SLC35F1: variants seen among roughly 807,000 people sequenced by gnomAD.
SLC35F1 encodes the protein chromosome 6 open reading frame 169.
SLC35F1 carries 14 observed loss-of-function variants against 48.7 expected under a neutral mutation model. The ratio of observed to expected loss-of-function variants is 0.29; its 90% CI spans 0.19 to 0.45. The LOEUF is 0.45. Ranked by LOEUF, SLC35F1 falls within the 20% of genes least tolerant of loss-of-function variation. SLC35F1 has a pLI of 1.00. For synonymous variants in SLC35F1, 190 were observed against 202.2 expected (o/e 0.94, Z 0.51); for missense variants, 404 against 500.0 (o/e 0.81, Z 1.83).
chr6:118,007,476 C>T (rs1777188362), intron 1 of SLC35F1, among the ~76,000 whole-genome samples: 1 of 152,132 alleles, frequency 6.6e-6, no homozygotes, highest in South Asian at 2.1e-4. Context: ...GTAGTGACTT[C>T]AGGGGTGCAC....
chr6:118,011,785 A>G (rs1398833701), intron 1 of SLC35F1, among the ~76,000 whole-genome samples: 1 of 152,206 alleles, frequency 6.6e-6, no homozygotes, highest in African/African-American at 2.4e-5. Flanking sequence ...GGAGCCCTAC[A>G]GTAGTACACA....
chr6:117,929,415 T>C (rs1195064219), intron 1 of SLC35F1, among the ~76,000 whole-genome samples: 1 of 151,816 alleles, frequency 6.6e-6, no homozygotes, highest in African/African-American at 2.4e-5. Context: ...TATATGTAAG[T>C]ATAATATATT....
chr6:118,059,059 C>G (rs1255213950), intron 1 of SLC35F1, among the ~76,000 whole-genome samples: 3 of 152,002 alleles, frequency 2.0e-5, no homozygotes, highest in Non-Finnish European at 2.9e-5. Flanking sequence ...AGACATATAC[C>G]ACGGTATTTA....
chr6:117,961,355 A>G lies in SLC35F1; in HGVS notation c.173+53456A>G, dbSNP rs191164460. Among the ~76,000 whole-genome samples the G allele has an allele frequency of 3.2e-4, 49 of 152,358 alleles. 1 individual carries two copies. Among genetic ancestry groups the G allele is most frequent in the Admixed American group, 3.1e-3 (48 of 15,300 alleles). On this transcript the variant is annotated intron_variant, in intron 1 of 7. Transcript: ENST00000360388. ...AGGCAGGACACCAAGACCCCTGGTC[A>G]TCTCTACAGGATGGGAACATTTAGT...
Position 118,285,414 on chromosome 6 carries a change from G to A in SLC35F1, c.1002+76G>A. ...TGAACATGGGTAGGAATGCCTGGAT[G>A]TGAAATGCCCTGATTTTGTGTAGGG... is the stretch of plus-strand genomic sequence containing the variant. On this transcript the variant is annotated intron_variant, in intron 7 of 7. Coordinates refer to ENST00000360388, the MANE Select transcript of SLC35F1 (RefSeq NM_001029858.4). 2.0e-6 allele frequency: 3 copies of A among 1,536,534 alleles called. No homozygotes were observed. In the South Asian group the frequency reaches 3.4e-5, roughly 18 times the overall value.
chr6:117,974,692 A>G (rs1382972532), intron 1 of SLC35F1, among the ~76,000 whole-genome samples: 1 of 152,238 alleles, frequency 6.6e-6, no homozygotes, highest in Non-Finnish European at 1.5e-5. Context: ...TATATTCATT[A>G]CATTATAAAT....
intron 1 of SLC35F1, among the ~76,000 whole-genome samples, chr6:118,115,426 T>C (rs1773464347): frequency 6.6e-6 from 1 of 152,218 alleles, no homozygotes; most frequent in Non-Finnish European, 1.5e-5. Context: ...GTTTTAATGA[T>C]AACACTTTAT....
At chr6:118,300,493 C>T (rs1384936919) in intron 7 of SLC35F1, among the ~76,000 whole-genome samples, 1 of 152,092 alleles carries the variant, frequency 6.6e-6, no homozygotes, top group Non-Finnish European at 1.5e-5. Context: ...TACTTTTACC[C>T]ATTTTTATAA....
At chr6:118,141,838 C>T (rs965190687) in intron 1 of SLC35F1, among the ~76,000 whole-genome samples, 12 of 152,166 alleles carry the variant, frequency 7.9e-5, no homozygotes, top group African/African-American at 2.9e-4. Flanking sequence ...CTTTCCCTAC[C>T]AGTCCTCGTT....
chr6:118,218,957 T>C (rs1562329028), intron 2 of SLC35F1, among the ~76,000 whole-genome samples: 1 of 152,182 alleles, frequency 6.6e-6, no homozygotes, highest in Admixed American at 6.5e-5. Context: ...GAAAGACAAT[T>C]AGTATGGATC....
At chr6:117,954,447 T>G (rs2114829992) in intron 1 of SLC35F1, among the ~76,000 whole-genome samples, 1 of 152,162 alleles carries the variant, frequency 6.6e-6, no homozygotes, top group South Asian at 2.1e-4. Flanking sequence ...TTAACAGAGA[T>G]GGGGTTTTAC....
At chr6:118,246,635 G>C (rs1238373317) in intron 3 of SLC35F1, among the ~76,000 whole-genome samples, 1 of 152,124 alleles carries the variant, frequency 6.6e-6, no homozygotes, top group Non-Finnish European at 1.5e-5. Flanking sequence ...AATGGTGCAC[G>C]TAGACAGGTT....
At chr6:117,935,976 T>TTTGTTCAAGTATG (rs1187290777) in intron 1 of SLC35F1, among the ~76,000 whole-genome samples, 3 of 152,256 alleles carry the variant, frequency 2.0e-5, no homozygotes, top group African/African-American at 7.2e-5. Flanking sequence ...TCACCTTCTC[T>TTTGTTCAAGTATG]TTGTTCAAGT....
At chr6:118,214,072 T>A (rs996206940) in intron 2 of SLC35F1, among the ~76,000 whole-genome samples, 1 of 152,228 alleles carries the variant, frequency 6.6e-6, no homozygotes, top group Admixed American at 6.5e-5. Flanking sequence ...AACTAAATGT[T>A]TTCTCAAGTT....
chr6:118,280,477 T>C (rs1354030283), intron 6 of SLC35F1, among the ~76,000 whole-genome samples: 1 of 152,146 alleles, frequency 6.6e-6, no homozygotes, highest in Non-Finnish European at 1.5e-5. Context: ...TTGGTTTTGG[T>C]TTTAGTGTTT....
intron 1 of SLC35F1, among the ~76,000 whole-genome samples, chr6:118,000,536 C>T (rs932357039): frequency 2.6e-5 from 4 of 152,138 alleles, no homozygotes; most frequent in Non-Finnish European, 1.5e-5. Flanking sequence ...TGAAAACTGG[C>T]ACAAGACAGG....
intron 2 of SLC35F1, among the ~76,000 whole-genome samples, chr6:118,173,558 C>A (rs1774441551): frequency 6.6e-6 from 1 of 152,230 alleles, no homozygotes; most frequent in Middle Eastern, 3.4e-3. Flanking sequence ...ATGTGATATA[C>A]CACACACTAT....
In SLC35F1 at chr6:118,172,428, C is replaced by CA. The variant is rs1399681618; in HGVS notation, c.349+17815dup. ...GTGGCATTTTTATTAACGTCTCATC[C>CA]AAAAAAATGAAGTGAACTTAATATA... On this transcript the variant is annotated intron_variant, in intron 2 of 7. Coordinates refer to ENST00000360388, the MANE Select transcript of SLC35F1 (RefSeq NM_001029858.4). 1.3e-4 allele frequency among the ~76,000 whole-genome samples: 19 copies of CA among 151,934 alleles called. No individual in the cohort carries two copies. The East Asian group carries it at 1.7e-3, about 14-fold the overall frequency.
intron 1 of SLC35F1, among the ~76,000 whole-genome samples, chr6:118,147,551 T>G (rs1265385714): frequency 6.6e-6 from 1 of 152,172 alleles, no homozygotes; most frequent in African/African-American, 2.4e-5. Context: ...CATATCCTTA[T>G]TTTACATGAA....
Sources: gnomAD v4.1 joint callset for allele counts (sites outside exome capture counted in the v4.1 genomes callset) on GRCh38, gnomAD v4.1.1 for gene constraint, MANE v1.5 for transcripts, NCBI Gene and HGNC (gene_info 2026-07-23, HGNC 2026-07-21) for gene names.